The following CA10 variants were observed in gnomAD, a reference collection of about 807,000 sequenced individuals.
CA10 encodes the protein carbonic anhydrase-related protein 10.
A neutral mutation model predicts 44.2 loss-of-function variants in CA10; 14 were observed. That is an observed-to-expected ratio of 0.32 (90% confidence interval 0.21 to 0.50). The LOEUF (loss-of-function observed/expected upper bound fraction) is 0.50, where lower values mean the gene tolerates loss of function less well. CA10 is among the 20% of genes least tolerant of loss of function. The pLI is 0.99. For synonymous variants in CA10, 159 were observed against 141.6 expected (o/e 1.12, Z -0.87); for missense variants, 350 against 409.7 (o/e 0.85, Z 1.26).
chr17:52,019,608 C>A (rs1986073317), intron 2 of CA10, among the ~76,000 whole-genome samples: 1 of 151,908 alleles, frequency 6.6e-6, no homozygotes, highest in Non-Finnish European at 1.5e-5. Flanking sequence ...CAGAAAAGTA[C>A]ACAGATGATA....
At chr17:51,983,034 A>G (rs1171616302) in intron 2 of CA10, among the ~76,000 whole-genome samples, 1 of 151,886 alleles carries the variant, frequency 6.6e-6, no homozygotes, top group East Asian at 1.9e-4. Flanking sequence ...ATTGCTTTTT[A>G]TCTCAAGCCT....
intron 4 of CA10, among the ~76,000 whole-genome samples, chr17:51,725,479 G>A (rs1399672337): frequency 6.6e-6 from 1 of 152,214 alleles, no homozygotes; most frequent in African/African-American, 2.4e-5. Flanking sequence ...GGCAAGGAAA[G>A]CTTTCCCAGT....
At chr17:51,704,794 C>T (rs1915710220) in intron 4 of CA10, among the ~76,000 whole-genome samples, 1 of 152,064 alleles carries the variant, frequency 6.6e-6, no homozygotes, top group Non-Finnish European at 1.5e-5. Context: ...AAAACCCCAT[C>T]TCTGCTAAAA....
intron 4 of CA10, among the ~76,000 whole-genome samples, chr17:51,738,555 A>G (rs1331378601): frequency 6.6e-6 from 1 of 152,204 alleles, no homozygotes; most frequent in East Asian, 1.9e-4. Context: ...TCTCACATTT[A>G]TCTCAATCAG....
At chr17:51,973,561 G>A (rs912397457) in intron 2 of CA10, among the ~76,000 whole-genome samples, 1 of 152,188 alleles carries the variant, frequency 6.6e-6, no homozygotes, top group Non-Finnish European at 1.5e-5. Context: ...GGGAAATACT[G>A]TAGTTCTGAC....
At chr17:51,754,400 GATATATATATATATAT>G (rs56145404) in intron 3 of CA10, among the ~76,000 whole-genome samples, 2,248 of 73,078 alleles carry the variant, frequency 0.031, 134 homozygotes, top group African/African-American at 0.1. Flanking sequence ...GTGTGTGTGT[GATATATATATATATAT>G]ATATATATAT....
At chr17:51,824,612 GGCTCAGACCA>G (rs1396989806) in intron 3 of CA10, among the ~76,000 whole-genome samples, 1 of 152,084 alleles carries the variant, frequency 6.6e-6, no homozygotes, top group African/African-American at 2.4e-5. Context: ...ACTTCAATAT[GGCTCAGACCA>G]GCACTGATCT....
At chr17:51,636,454 G>C (rs1912830113) in intron 6 of CA10, among the ~76,000 whole-genome samples, 1 of 152,200 alleles carries the variant, frequency 6.6e-6, no homozygotes, top group African/African-American at 2.4e-5. Context: ...AGCCAAAGAA[G>C]TCACATGGTT....
chr17:51,861,400 AG>A (rs1029594523), intron 3 of CA10, among the ~76,000 whole-genome samples: 2 of 151,984 alleles, frequency 1.3e-5, no homozygotes, highest in African/African-American at 4.8e-5. Context: ...AGAGAGAGAG[AG>A]AAAAAAGATG....
intron 4 of CA10, among the ~76,000 whole-genome samples, chr17:51,654,960 C>A (rs1416298687): frequency 6.6e-6 from 1 of 152,044 alleles, no homozygotes; most frequent in Admixed American, 6.6e-5. Context: ...CAACTATTAA[C>A]AGTTTAGTGT....
At chr17:52,032,499 C>T (rs576975359) in intron 2 of CA10, among the ~76,000 whole-genome samples, 43 of 152,258 alleles carry the variant, frequency 2.8e-4, no homozygotes, top group Admixed American at 1.3e-3. Flanking sequence ...CAGCCTCTTT[C>T]TTTTCCTTTA....
chr17:51,798,454 A>T (rs1906799595), intron 3 of CA10, among the ~76,000 whole-genome samples: 1 of 152,250 alleles, frequency 6.6e-6, no homozygotes, highest in Admixed American at 6.5e-5. Context: ...AATATCCCTA[A>T]TAAGAGGCTA....
At chr17:52,095,132 A>G (rs1265874956) in intron 1 of CA10, among the ~76,000 whole-genome samples, 1 of 152,208 alleles carries the variant, frequency 6.6e-6, no homozygotes, top group African/African-American at 2.4e-5. Context: ...CCTACAAATT[A>G]CACATTAAAA....
intron 1 of CA10, among the ~76,000 whole-genome samples, chr17:52,146,794 T>C (rs2143399195): frequency 6.6e-6 from 1 of 152,288 alleles, no homozygotes; most frequent in Middle Eastern, 3.4e-3. Flanking sequence ...ACCCCTCCCA[T>C]GGTCTTCCTC....
chr17:52,144,902 G>GTT lies in CA10; in HGVS notation c.61+12823_61+12824insAA, dbSNP rs202074634. Reference sequence around the variant, plus strand: ...CAAGCCCGCTTAACTCCAAAAATAGGTGTTATTGCCTCCAATTTACAAATG... The same window carrying GTT: ...CAAGCCCGCTTAACTCCAAAAATAGGTTTGTTATTGCCTCCAATTTACAAATG... On this transcript the variant is annotated intron_variant, in intron 1 of 8. Transcript: ENST00000451037. 4.0e-3 allele frequency among the ~76,000 whole-genome samples: 616 copies of GTT among 152,216 alleles called. 28 individuals are homozygous for GTT. In the East Asian group the frequency reaches 0.1, roughly 25 times the overall value.
chr17:52,031,232 C>T (rs1295199635), intron 2 of CA10, among the ~76,000 whole-genome samples: 1 of 151,758 alleles, frequency 6.6e-6, no homozygotes, highest in Non-Finnish European at 1.5e-5. Context: ...TCACTGCTAC[C>T]TCCGCCTCCT....
chr17:51,635,878 G>T lies in CA10; in HGVS notation c.766C>A (p.Pro256Thr). 6.2e-7 allele frequency: 1 copy of T among 1,605,058 alleles called. No homozygotes were observed. The highest frequency in any genetic ancestry group is 2.2e-5 in the East Asian group (1 of 44,756). Residue 256 changes from proline (P) to threonine (T), a missense_variant, in exon 7 of 9, where the codon CCT becomes ACT. Coordinates refer to ENST00000451037, the MANE Select transcript of CA10 (RefSeq NM_020178.5). Reference protein sequence around the residue: ...ETASWIIMNKPVYITRMQMHS... With the variant: ...ETASWIIMNKTVYITRMQMHS... Reference sequence around the variant, plus strand: ...ACCTGCATCCTGGTTATATAGACAGGTTTGTTCATTATGATCCAACTTGCT... The same window carrying T: ...ACCTGCATCCTGGTTATATAGACAGTTTTGTTCATTATGATCCAACTTGCT...
At chr17:52,137,895 C>A (rs962312485) in intron 1 of CA10, among the ~76,000 whole-genome samples, 1 of 152,214 alleles carries the variant, frequency 6.6e-6, no homozygotes, top group Admixed American at 6.5e-5. Flanking sequence ...TTCACCACAG[C>A]TGTGGTGGAC....
chr17:51,907,962 T>A (rs1981630227), intron 3 of CA10, among the ~76,000 whole-genome samples: 1 of 152,158 alleles, frequency 6.6e-6, no homozygotes, highest in Non-Finnish European at 1.5e-5. Context: ...ATCTGTCTAA[T>A]TTTCAGTTAT....
Sources: allele counts gnomAD v4.1 joint callset (sites outside exome capture counted in the v4.1 genomes callset), GRCh38; gene constraint gnomAD v4.1.1; transcripts MANE v1.5; gene names NCBI Gene and HGNC (gene_info 2026-07-23, HGNC 2026-07-21).